CEP55: variants seen among roughly 807,000 people sequenced by gnomAD.
The protein encoded by CEP55 is centrosomal protein of 55 kDa.
CEP55 carries 57 observed loss-of-function variants against 63.2 expected under a neutral mutation model. The observed-to-expected ratio is 0.90, with a 90% CI of 0.73 to 1.13. The LOEUF is 1.13. CEP55 is among the 50% of genes most tolerant of loss of function. The probability of loss-of-function intolerance (pLI) is 0.00; values close to 1 mark genes in which losing one functional copy is unlikely to be tolerated. For missense variants in CEP55, 456 were observed against 518.9 expected, an observed-to-expected ratio of 0.88 and a Z score of 1.18; for synonymous variants, 178 against 191.6, an observed-to-expected ratio of 0.93 and a Z score of 0.59.
intron 8 of CEP55, among the ~76,000 whole-genome samples, chr10:93,525,339 G>A (rs2057910680): frequency 6.6e-6 from 1 of 152,182 alleles, no homozygotes; most frequent in South Asian, 2.1e-4. Context: ...ATTCACAATT[G>A]CTTCAAAGAG....
In CEP55 at chr10:93,500,234, G is replaced by T. The variant is rs776728535; in HGVS notation, c.183G>T (p.Glu61Asp). 4 of 1,604,844 alleles carry T rather than the reference G, an allele frequency of 2.5e-6. No homozygotes were observed. Among genetic ancestry groups the T allele is most frequent in the Admixed American group, 3.5e-5 (2 of 56,998 alleles). ...LTDKERHRLL[E>D]KIRVLEAEKE... ...ATAAAGAGAGACACAGACTTTTGGA[G>T]GTAAATGGTCTTCTGATCCTTTAAA... The change falls in exon 2 of 9, where the codon GAG becomes GAT. Residue 61 changes from glutamate (E) to aspartate (D), a missense_variant and splice_region_variant. Physicochemically the swap from Glu to Asp is conservative, Grantham distance 45 (BLOSUM62 2). Coordinates refer to ENST00000371485, the MANE Select transcript of CEP55 (RefSeq NM_018131.5).
chr10:93,519,018 CT>C, intron 7 of CEP55, 70 bp downstream of exon 7: 1 of 1,165,538 alleles, frequency 8.6e-7, no homozygotes, highest in Non-Finnish European at 1.3e-6. Flanking sequence ...CATGTTTATG[CT>C]GTTCTATGGA....
intron 1 of CEP55, 98 bp from the exon 2 acceptor site, chr10:93,499,942 T>C (rs897134335): frequency 3.8e-6 from 3 of 792,454 alleles, no homozygotes; most frequent in Non-Finnish European, 6.1e-6. Flanking sequence ...TTTGGATATA[T>C]CATTTCTATT....
At position 93,521,935 on chromosome 10, in the gene CEP55, C is replaced by A. The variant is rs60011789; in HGVS notation, c.1191+2128C>A. On this transcript the variant is annotated intron_variant, in intron 8 of 8. Coordinates refer to ENST00000371485, the MANE Select transcript of CEP55 (RefSeq NM_018131.5). ...AACAGAAAGGACATCCACACCAAAA[C>A]CCCATCTGTATGTCACCATCATCAA... Among the ~76,000 whole-genome samples, 883 of 152,284 alleles carry A rather than the reference C, an allele frequency of 5.8e-3. 9 individuals are homozygous for A. Among genetic ancestry groups the A allele is most frequent in the African/African-American group, 0.02 (830 of 41,570 alleles).
At chr10:93,510,809 G>A (rs2057739540) in intron 4 of CEP55, 1 of 151,984 alleles carries the variant, frequency 6.6e-6, no homozygotes, top group Non-Finnish European at 1.5e-5. Context: ...TTTGTCAATT[G>A]ACCCACATTT....
intron 4 of CEP55, among the ~76,000 whole-genome samples, chr10:93,508,058 C>T (rs530418804): frequency 2.0e-5 from 3 of 152,314 alleles, no homozygotes; most frequent in South Asian, 4.1e-4. Context: ...GGTTTGCTTT[C>T]GTAGGTTGAA....
intron 7 of CEP55, 102 bp from the exon 8 acceptor site, chr10:93,519,580 T>C: frequency 7.7e-7 from 1 of 1,298,998 alleles, no homozygotes; most frequent in Non-Finnish European, 1.1e-6. Flanking sequence ...GATGGTACAA[T>C]AAATATTTTC....
intron 1 of CEP55, among the ~76,000 whole-genome samples, chr10:93,499,033 A>T (rs747495861): frequency 2.0e-5 from 3 of 152,122 alleles, no homozygotes; most frequent in Non-Finnish European, 4.4e-5. Flanking sequence ...CGTATGCTTC[A>T]CTAGATTTTT....
At chr10:93,499,867 G>C (rs1272895069) in intron 1 of CEP55, among the ~76,000 whole-genome samples, 173 bp from the exon 2 acceptor site, 1 of 151,442 alleles carries the variant, frequency 6.6e-6, no homozygotes, top group Admixed American at 6.6e-5. Context: ...ATCTACCACT[G>C]AGATTAAAAA....
chr10:93,520,437 A>AAG (rs1161484811), intron 8 of CEP55, among the ~76,000 whole-genome samples: 1 of 151,688 alleles, frequency 6.6e-6, no homozygotes, highest in Non-Finnish European at 1.5e-5. Context: ...AAAAAAAAAA[A>AAG]AAAAAGAAAA....
intron 2 of CEP55, among the ~76,000 whole-genome samples, chr10:93,501,276 C>T (rs2057632296): frequency 6.6e-6 from 1 of 152,102 alleles, no homozygotes; most frequent in African/African-American, 2.4e-5. Flanking sequence ...ATGGCATAGA[C>T]AGTAAGGAAG....
chr10:93,515,064 C>T (rs1182829679), intron 4 of CEP55, among the ~76,000 whole-genome samples: 1 of 152,176 alleles, frequency 6.6e-6, no homozygotes, highest in Non-Finnish European at 1.5e-5. Context: ...AGAGCCACCG[C>T]ACCCAGCCAG....
At chr10:93,509,335 G>A (rs1363341433) in intron 4 of CEP55, among the ~76,000 whole-genome samples, 1 of 152,026 alleles carries the variant, frequency 6.6e-6, no homozygotes, top group Non-Finnish European at 1.5e-5. Context: ...TCTACAAATG[G>A]TGGTCTAGAC....
chr10:93,516,931 A>G lies in CEP55; in HGVS notation c.680-4A>G. 1 of 1,564,450 alleles carries G rather than the reference A, an allele frequency of 6.4e-7. No individual in the cohort carries two copies. The highest frequency in any genetic ancestry group is 8.7e-7 in the Non-Finnish European group (1 of 1,153,544). ...GAGTTGTGCCGTAATGTTGTTTGTC[A>G]TAGGTTATCTTCAAGAAGAGAAGCA... is the stretch of plus-strand genomic sequence containing the variant. On this transcript the variant is annotated splice_polypyrimidine_tract_variant and splice_region_variant and intron_variant, in intron 5 of 8. Coordinates refer to ENST00000371485, the MANE Select transcript of CEP55 (RefSeq NM_018131.5).
At chr10:93,505,282 G>C (rs950228909) in intron 3 of CEP55, among the ~76,000 whole-genome samples, 5 of 152,190 alleles carry the variant, frequency 3.3e-5, no homozygotes, top group African/African-American at 1.2e-4. Flanking sequence ...TTGGAGTAGA[G>C]GAAGCTTTGC....
intron 3 of CEP55, among the ~76,000 whole-genome samples, chr10:93,503,658 A>G (rs1377770937): frequency 6.6e-6 from 1 of 152,192 alleles, no homozygotes; most frequent in African/African-American, 2.4e-5. Flanking sequence ...TACAATTACC[A>G]AGATTTTTTT....
At chr10:93,526,820 A>G (rs1267395061) in intron 8 of CEP55, among the ~76,000 whole-genome samples, 1 of 152,172 alleles carries the variant, frequency 6.6e-6, no homozygotes, top group East Asian at 1.9e-4. Flanking sequence ...ATTCTCAGCA[A>G]ACTATCACAA....
chr10:93,514,768 CT>C (rs892359395), intron 4 of CEP55, among the ~76,000 whole-genome samples: 1 of 151,982 alleles, frequency 6.6e-6, no homozygotes, highest in African/African-American at 2.4e-5. Flanking sequence ...CAGAGATCCT[CT>C]TTTTTTTGTT....
intron 1 of CEP55, among the ~76,000 whole-genome samples, chr10:93,497,699 T>C (rs2057586845): frequency 6.7e-6 from 1 of 149,582 alleles, no homozygotes; most frequent in Non-Finnish European, 1.5e-5. Flanking sequence ...GGAAGTGTAA[T>C]TGGGTACTAG....
Sources: allele counts gnomAD v4.1 joint callset (sites outside exome capture counted in the v4.1 genomes callset), GRCh38; gene constraint gnomAD v4.1.1; transcripts MANE v1.5; gene names NCBI Gene and HGNC (gene_info 2026-07-23, HGNC 2026-07-21).